Variants in NCOA2 observed in about 807,000 individuals in gnomAD.
NCOA2 encodes nuclear receptor coactivator 2, also known as class E basic helix-loop-helix protein 75.
Under a neutral mutation model 145.1 loss-of-function variants are expected in NCOA2, and 21 were observed. That is an observed-to-expected ratio of 0.14 (90% CI 0.10 to 0.21). The LOEUF is 0.21. Ranked by LOEUF, NCOA2 falls within the 10% of genes least tolerant of loss-of-function variation. The pLI is 1.00. For missense variants in NCOA2, 1,472 were observed against 1,837.6 expected (o/e 0.80, Z 3.64); for synonymous variants, 619 against 637.5 (o/e 0.97, Z 0.44).
chr8:70,143,385 C>T (rs1364984938), intron 13 of NCOA2, among the ~76,000 whole-genome samples: 3 of 152,178 alleles, frequency 2.0e-5, no homozygotes, highest in East Asian at 3.8e-4. Flanking sequence ...GAACTCATAT[C>T]TTCTTGTATT....
At position 70,227,954 on chromosome 8, in the gene NCOA2, C is replaced by T. The variant is rs192526524; in HGVS notation, c.-19-11190G>A. On this transcript the variant is annotated intron_variant, in intron 2 of 22. Transcript: ENST00000452400. Reference sequence around the variant, plus strand: ...TCACTTGAACCTGGGAGGTGGAGGTCGCAGTGAGCCATTGCACTCCAGCCT... The same window carrying T: ...TCACTTGAACCTGGGAGGTGGAGGTTGCAGTGAGCCATTGCACTCCAGCCT... Among the ~76,000 whole-genome samples the T allele has an allele frequency of 9.4e-4, 136 of 144,648 alleles. 1 individual carries two copies. Among genetic ancestry groups the T allele is most frequent in the African/African-American group, 3.3e-3 (127 of 38,758 alleles). The allele number at this position is 144,648 out of a possible 152,430, so 94.9% of individuals were successfully genotyped here.
At position 70,265,209 on chromosome 8, in the gene NCOA2, C is replaced by A. The variant is rs150377334; in HGVS notation, c.-20+31535G>T. On this transcript the variant is annotated intron_variant, in intron 2 of 22. Coordinates refer to ENST00000452400, the MANE Select transcript of NCOA2 (RefSeq NM_006540.4). ...GGGATCCTTATGATGGAATTAGTGT[C>A]CATGTAAGAGACCAGAGACTTCCCC... 1.1e-3 allele frequency among the ~76,000 whole-genome samples: 175 copies of A among 152,210 alleles called. 1 individual carries two copies. Among genetic ancestry groups the A allele is most frequent in the African/African-American group, 4.1e-3 (169 of 41,534 alleles).
intron 2 of NCOA2, among the ~76,000 whole-genome samples, chr8:70,237,648 T>C (rs1025622244): frequency 6.6e-6 from 1 of 152,028 alleles, no homozygotes; most frequent in African/African-American, 2.4e-5. Context: ...CATGCCCCTG[T>C]AGTTCCACAA....
chr8:70,403,137 C>T (rs1352575869), intron 1 of NCOA2, among the ~76,000 whole-genome samples: 1 of 151,066 alleles, frequency 6.6e-6, no homozygotes, highest in Admixed American at 6.6e-5. Context: ...TCGCCCGGCT[C>T]CCACTCTCCG....
rs370727326 is a variant in NCOA2 at position 70,156,258 on chromosome 8, A to G, written c.2107T>C (p.Leu703=). Residue 703 remains leucine (L), a synonymous_variant, in exon 11 of 23, where the codon TTG becomes CTG. Coordinates refer to ENST00000452400, the MANE Select transcript of NCOA2 (RefSeq NM_006540.4). ...GTGGCTTCTGCTGTTAACTTGGCCAAGTCCACAGGGGAACTGCTGTCCTGC... is the reference window on the plus strand; with the variant it reads ...GTGGCTTCTGCTGTTAACTTGGCCAGGTCCACAGGGGAACTGCTGTCCTGC... ...LLQDSSSPVD[L]AKLTAEATGK... 1.2e-6 allele frequency: 2 copies of G among 1,613,820 alleles called. No homozygotes were observed. Among genetic ancestry groups the G allele is most frequent in the African/African-American group, 2.7e-5 (2 of 74,906 alleles).
chr8:70,441,812 GA>G, the NCOA2 span, among the ~76,000 whole-genome samples: 1 of 140,152 alleles, frequency 7.1e-6, no homozygotes, highest in Admixed American at 7.2e-5. Flanking sequence ...AAGAAAGAAA[GA>G]AAGAAGAAAG....
intron 2 of NCOA2, among the ~76,000 whole-genome samples, chr8:70,225,404 C>T (rs1419843568): frequency 1.3e-5 from 2 of 151,984 alleles, no homozygotes; most frequent in African/African-American, 4.8e-5. Context: ...CAAAAATTAG[C>T]CGGGTGTGTT....
chr8:70,195,488 T>C (rs1260142641), intron 4 of NCOA2, among the ~76,000 whole-genome samples: 1 of 152,164 alleles, frequency 6.6e-6, no homozygotes, highest in Non-Finnish European at 1.5e-5. Flanking sequence ...ATAGGACCCA[T>C]ACAAGTAAGG....
intron 14 of NCOA2, among the ~76,000 whole-genome samples, chr8:70,139,768 G>A (rs900453083): frequency 3.5e-5 from 5 of 141,892 alleles, no homozygotes; most frequent in South Asian, 2.3e-4. Flanking sequence ...TTTCCCTACC[G>A]CAACCTCCTG....
At chr8:70,383,634 T>C (rs1163190622) in intron 1 of NCOA2, among the ~76,000 whole-genome samples, 1 of 152,110 alleles carries the variant, frequency 6.6e-6, no homozygotes, top group Non-Finnish European at 1.5e-5. Flanking sequence ...GCCTCCCGAG[T>C]AGCTGGGATT....
the NCOA2 span, among the ~76,000 whole-genome samples, chr8:70,453,919 T>C: frequency 1.3e-5 from 2 of 152,188 alleles, no homozygotes; most frequent in Non-Finnish European, 2.9e-5. Context: ...TGTGGTGGTA[T>C]GGGAATAAGC....
chr8:70,144,635 C>A lies in NCOA2; in HGVS notation c.2812+7G>T, dbSNP rs1272994629. 3.7e-6 allele frequency: 6 copies of A among 1,608,954 alleles called. No individual in the cohort carries two copies. In the South Asian group the frequency reaches 6.6e-5, roughly 18 times the overall value. On this transcript the variant is annotated splice_region_variant and intron_variant, in intron 13 of 22. Coordinates refer to ENST00000452400, the MANE Select transcript of NCOA2 (RefSeq NM_006540.4). ...CCAATAAAGTAACAGTGCATTTGAC[C>A]CCTTACCTGTGCTACTGTTCCCTAA...
chr8:70,368,103 A>G (rs1343609315), intron 1 of NCOA2, among the ~76,000 whole-genome samples: 1 of 152,260 alleles, frequency 6.6e-6, no homozygotes, highest in African/African-American at 2.4e-5. Context: ...AATGCAAAGT[A>G]TAACAGCTTT....
chr8:70,175,201 C>T (rs1814692102), intron 4 of NCOA2, among the ~76,000 whole-genome samples: 1 of 152,206 alleles, frequency 6.6e-6, no homozygotes, highest in African/African-American at 2.4e-5. Flanking sequence ...GGAGATTCCC[C>T]AAACTAGGAT....
intron 1 of NCOA2, among the ~76,000 whole-genome samples, chr8:70,329,465 T>C (rs1806886960): frequency 6.6e-6 from 1 of 152,056 alleles, no homozygotes; most frequent in South Asian, 2.1e-4. Context: ...GGTCTTGAAC[T>C]CCAGGCCTCA....
chr8:70,396,557 T>C (rs1021130285), intron 1 of NCOA2, among the ~76,000 whole-genome samples: 4 of 152,250 alleles, frequency 2.6e-5, no homozygotes, highest in African/African-American at 9.6e-5. Flanking sequence ...AAGCACTCAA[T>C]AAATGTTAAC....
chr8:70,215,063 T>C (rs767031164), intron 3 of NCOA2, among the ~76,000 whole-genome samples: 1 of 152,226 alleles, frequency 6.6e-6, no homozygotes, highest in African/African-American at 2.4e-5. Flanking sequence ...ATAGTGTTTA[T>C]ACAATTTGTC....
At position 70,144,842 on chromosome 8, in the gene NCOA2, T is replaced by C. The variant is rs1224593740; in HGVS notation, c.2612A>G (p.Asn871Ser). The change falls in exon 13 of 23, where the codon AAT becomes AGT. Residue 871 changes from asparagine to serine, a missense_variant. Coordinates refer to ENST00000452400, the MANE Select transcript of NCOA2 (RefSeq NM_006540.4). ...TALRISQSTF[N>S]NPRPGQLGRL... ...GCCCAGTTGCCCTGGTCGTGGGTTA[T>C]TAAAAGCTAAGGAGAAAACAAATGA... is the stretch of plus-strand genomic sequence containing the variant. 3 of 1,613,800 alleles carry C rather than the reference T, an allele frequency of 1.9e-6. No homozygotes were observed. The highest frequency in any genetic ancestry group is 2.7e-5 in the African/African-American group (2 of 75,026).
At chr8:70,338,382 T>C (rs1167945265) in intron 1 of NCOA2, among the ~76,000 whole-genome samples, 1 of 152,082 alleles carries the variant, frequency 6.6e-6, no homozygotes, top group Non-Finnish European at 1.5e-5. Context: ...CTCCCAAGAC[T>C]GAACCAGAAA....
Sources: gnomAD v4.1 joint callset for allele counts (sites outside exome capture counted in the v4.1 genomes callset) on GRCh38, gnomAD v4.1.1 for gene constraint, MANE v1.5 for transcripts, NCBI Gene and HGNC (gene_info 2026-07-23, HGNC 2026-07-21) for gene names.